The following DOCK5 variants were observed in gnomAD, a reference collection of about 807,000 sequenced individuals.
DOCK5 encodes the protein dedicator of cytokinesis 5.
In DOCK5, 142 loss-of-function variants were observed where a neutral mutation model predicts 251.8. That is an observed-to-expected ratio of 0.56 (90% confidence interval 0.49 to 0.65). The LOEUF (loss-of-function observed/expected upper bound fraction) is 0.65. DOCK5 is among the 30% of genes least tolerant of loss of function. DOCK5 has a pLI of 0.00. For synonymous variants in DOCK5, 842 were observed against 835.5 expected, an observed-to-expected ratio of 1.01 and a Z score of -0.13; for missense variants, 2,111 against 2,312.3, an observed-to-expected ratio of 0.91 and a Z score of 1.79.
chr8:25,369,313 G>A (rs1202610725), intron 33 of DOCK5, among the ~76,000 whole-genome samples: 2 of 152,192 alleles, frequency 1.3e-5, no homozygotes, highest in African/African-American at 4.8e-5. Flanking sequence ...GTAACAGAAA[G>A]CAATGTTTTG....
At chr8:25,341,879 G>A in intron 24 of DOCK5, 70 bp downstream of exon 24, 13 of 1,258,362 alleles carry the variant, frequency 1.0e-5, no homozygotes, top group Admixed American at 6.8e-5. Flanking sequence ...CTGGAGCCTG[G>A]GCTGCTACAC....
chr8:25,308,747 C>A, intron 11 of DOCK5, 36 bp from the exon 12 acceptor site: 1 of 1,608,336 alleles, frequency 6.2e-7, no homozygotes, highest in Middle Eastern at 1.7e-4. Context: ...TTCCTTTCTC[C>A]CCCTCCCACC....
rs1359879221 is a variant in DOCK5 at position 25,407,992 on chromosome 8, G to A, written c.5103G>A (p.Leu1701=). 6.2e-7 allele frequency: 1 copy of A among 1,611,890 alleles called. No individual in the cohort carries two copies. The highest frequency in any genetic ancestry group is 1.7e-5 in the Admixed American group (1 of 59,624). ...TGTTCCTGGCCAATAGCTCAATCTT[G>A]GAGCCACTTTTGGAGCGCAGGGCCT... ...PSRPGSDGSI[L]EPLLERRASS... Residue 1701 remains leucine (L), a synonymous_variant, in exon 49 of 52, where the codon TTG becomes TTA. Transcript: ENST00000276440.
intron 28 of DOCK5, among the ~76,000 whole-genome samples, chr8:25,362,462 C>CTTTTTTTTTTTTTTTT (rs869096662): frequency 7.9e-4 from 43 of 54,638 alleles, no homozygotes; most frequent in Non-Finnish European, 1.1e-3. Context: ...CTTTTCTTTT[C>CTTTTTTTTTTTTTTTT]TTTTTTTTTT....
At chr8:25,198,852 G>A (rs1281858742) in intron 1 of DOCK5, among the ~76,000 whole-genome samples, 2 of 152,172 alleles carry the variant, frequency 1.3e-5, no homozygotes, top group African/African-American at 4.8e-5. Context: ...TCTCCTTAAG[G>A]TTGGAAGAGT....
chr8:25,300,137 C>T lies in DOCK5; in HGVS notation c.765-439C>T, dbSNP rs578121114. 2.0e-4 allele frequency among the ~76,000 whole-genome samples: 30 copies of T among 152,278 alleles called. No homozygotes were observed. In the South Asian group the frequency reaches 4.6e-3, roughly 23 times the overall value. ...GCCAGCCTGGTCTTGAACTCCTGAC[C>T]TCAGGCGATCCGCCCGCCTTGACCT... On this transcript the variant is annotated intron_variant, in intron 8 of 51. Coordinates refer to ENST00000276440, the MANE Select transcript of DOCK5 (RefSeq NM_024940.8).
At position 25,336,355 on chromosome 8, in the gene DOCK5, C is replaced by T; in HGVS notation, c.2309C>T (p.Ser770Phe). ...TACTTGTTTAGATTCATCATCCAAT[C>T]CCGAGTGCTCTACTTGAGGTAATGT... ...LKYLFRFIIQ[S>F]RVLYLRFYGQ... The change falls in exon 22 of 52, where the codon TCC becomes TTC. Residue 770 changes from serine (S) to phenylalanine (F), a missense_variant. Transcript: ENST00000276440. 1 of 1,613,892 alleles carries T rather than the reference C, an allele frequency of 6.2e-7. No individual in the cohort carries two copies. Among genetic ancestry groups the T allele is most frequent in the Non-Finnish European group, 8.5e-7 (1 of 1,179,812 alleles).
intron 8 of DOCK5, among the ~76,000 whole-genome samples, chr8:25,300,019 C>T (rs1804720952): frequency 6.6e-6 from 1 of 152,154 alleles, no homozygotes; most frequent in South Asian, 2.1e-4. Context: ...GATTCTCCTG[C>T]CTCAGCCTCC....
chr8:25,196,489 GAGA>G (rs1801728844), intron 1 of DOCK5, among the ~76,000 whole-genome samples: 1 of 152,182 alleles, frequency 6.6e-6, no homozygotes, highest in South Asian at 2.1e-4. Flanking sequence ...AAGTAATTTG[GAGA>G]AGAAGAAAAA....
At chr8:25,392,937 A>G in intron 44 of DOCK5, 55 bp downstream of exon 44, 1 of 1,437,192 alleles carries the variant, frequency 7.0e-7, no homozygotes, top group South Asian at 1.2e-5. Context: ...CAAATATAAT[A>G]ACAGCCTTTG....
chr8:25,198,606 C>T (rs1801793692), intron 1 of DOCK5, among the ~76,000 whole-genome samples: 1 of 151,974 alleles, frequency 6.6e-6, no homozygotes, highest in South Asian at 2.1e-4. Flanking sequence ...AAATAAGACT[C>T]AGTTGTCAAA....
chr8:25,402,586 G>A (rs374914859), intron 47 of DOCK5, among the ~76,000 whole-genome samples: 15 of 151,218 alleles, frequency 9.9e-5, no homozygotes, highest in African/African-American at 3.2e-4. Flanking sequence ...GTGAGCCACC[G>A]CGCCCGGCCC....
intron 22 of DOCK5, among the ~76,000 whole-genome samples, chr8:25,338,468 T>G (rs190806643): frequency 1.3e-5 from 2 of 152,212 alleles, no homozygotes; most frequent in African/African-American, 4.8e-5. Flanking sequence ...TTTTTTATAT[T>G]TTTTTGAATT....
At chr8:25,398,475 G>C (rs961102966) in intron 45 of DOCK5, among the ~76,000 whole-genome samples, 31 of 152,098 alleles carry the variant, frequency 2.0e-4, no homozygotes, top group Admixed American at 2.0e-4. Context: ...CTCCAAACTG[G>C]GTGGCTTAAA....
intron 11 of DOCK5, among the ~76,000 whole-genome samples, chr8:25,305,869 T>G (rs551325895): frequency 1.3e-5 from 2 of 152,212 alleles, no homozygotes; most frequent in Non-Finnish European, 2.9e-5. Context: ...AGTGATTATT[T>G]CTGTTGATGT....
chr8:25,342,410 C>G lies in DOCK5; in HGVS notation c.2520C>G (p.Phe840Leu), dbSNP rs756247287. 7 of 1,591,542 alleles carry G rather than the reference C, an allele frequency of 4.4e-6. No individual in the cohort carries two copies. Among genetic ancestry groups the G allele is most frequent in the Non-Finnish European group, 6.0e-6 (7 of 1,167,320 alleles). ...GAGGTTTCTCTCCCAGCGTGCTCTTCTGCAAATTCATTCAAAGCATTCCTG... is the reference window on the plus strand; with the variant it reads ...GAGGTTTCTCTCCCAGCGTGCTCTTGTGCAAATTCATTCAAAGCATTCCTG... ...VFDPVELSVL[F>L]CKFIQSIPDN... Residue 840 changes from phenylalanine (F) to leucine (L), a missense_variant, in exon 25 of 52, where the codon TTC (phenylalanine) becomes TTG (leucine). Phe to Leu is a conservative substitution (Grantham distance 22). This residue lies in a region of DOCK5 where 1,717 missense variants were observed against 1,892.4 expected (regional missense o/e 0.91). Transcript: ENST00000276440.
At chr8:25,252,546 A>G (rs983532159) in intron 2 of DOCK5, among the ~76,000 whole-genome samples, 4 of 152,244 alleles carry the variant, frequency 2.6e-5, no homozygotes, top group African/African-American at 9.6e-5. Flanking sequence ...CCTGGAAAGC[A>G]GATAAGGCCA....
chr8:25,281,584 T>G (rs1261302046), intron 5 of DOCK5, among the ~76,000 whole-genome samples: 1 of 121,400 alleles, frequency 8.2e-6, no homozygotes, highest in African/African-American at 3.0e-5. Flanking sequence ...AGAATTTGGT[T>G]AAAAAAAAAA....
chr8:25,218,741 G>T (rs559124572), intron 1 of DOCK5, among the ~76,000 whole-genome samples: 1 of 152,352 alleles, frequency 6.6e-6, no homozygotes, highest in Non-Finnish European at 1.5e-5. Flanking sequence ...GTCTTGTGTG[G>T]AGCCTCTGTG....
Sources: allele counts gnomAD v4.1 joint callset (sites outside exome capture counted in the v4.1 genomes callset), GRCh38; gene constraint gnomAD v4.1.1; regional missense constraint gnomAD v4.1.1; transcripts MANE v1.5; gene names NCBI Gene and HGNC (gene_info 2026-07-23, HGNC 2026-07-21).